The following CMIP variants were observed in gnomAD, a reference collection of about 807,000 sequenced individuals.
The protein encoded by CMIP is c-Maf inducing protein.
A neutral mutation model predicts 97.3 loss-of-function variants in CMIP; 13 were observed. The observed-to-expected ratio is 0.13, with a 90% CI of 0.09 to 0.21. CMIP has a LOEUF of 0.21. CMIP is among the 10% of genes least tolerant of loss of function. The probability of loss-of-function intolerance (pLI) is 1.00; values close to 1 mark genes in which losing one functional copy is unlikely to be tolerated. For missense variants in CMIP, 847 were observed against 1,024.9 expected, an observed-to-expected ratio of 0.83 and a Z score of 2.37; for synonymous variants, 538 against 436.3, an observed-to-expected ratio of 1.23 and a Z score of -2.91.
At chr16:81,626,930 ATGTG>A (rs1032896876) in intron 3 of CMIP, among the ~76,000 whole-genome samples, 16 of 86,208 alleles carry the variant, frequency 1.9e-4, no homozygotes, top group Non-Finnish European at 2.7e-4. Flanking sequence ...GTGTTTGTGT[ATGTG>A]TGGTGTGTGG....
At chr16:81,584,503 C>CT (rs1418300204) in intron 1 of CMIP, among the ~76,000 whole-genome samples, 1 of 152,156 alleles carries the variant, frequency 6.6e-6, no homozygotes. Flanking sequence ...AATCATCCTT[C>CT]TTTTTGTCAG....
At chr16:81,476,031 G>C (rs1274518786) in intron 1 of CMIP, 1 of 662,584 alleles carries the variant, frequency 1.5e-6, no homozygotes, top group Admixed American at 2.0e-5. Flanking sequence ...CTTTATTCAA[G>C]TTGTCCACAG....
At chr16:81,474,390 C>G (rs1323479449) in intron 1 of CMIP, among the ~76,000 whole-genome samples, 2 of 152,156 alleles carry the variant, frequency 1.3e-5, no homozygotes, top group African/African-American at 2.4e-5. Flanking sequence ...TTTCTCCGCT[C>G]TCTCTTTCCT....
intron 1 of CMIP, among the ~76,000 whole-genome samples, chr16:81,565,529 G>C (rs1372248031): frequency 6.6e-6 from 1 of 152,218 alleles, no homozygotes; most frequent in Non-Finnish European, 1.5e-5. Context: ...TCTCACTCCA[G>C]TCTTCACATC....
At position 81,511,652 on chromosome 16, in the gene CMIP, C is replaced by A. The variant is rs147078326; in HGVS notation, c.300+66111C>A. On this transcript the variant is annotated intron_variant, in intron 1 of 20. Transcript: ENST00000537098. The stretch of plus-strand genomic sequence containing the variant: ...CGTGGCTCACTGCAGCTTCAACTTC[C>A]CAGGCTCAGATGATCCTCCCACCTC... Among the ~76,000 whole-genome samples, 1,126 of 152,204 alleles carry A rather than the reference C, an allele frequency of 7.4e-3. 4 individuals carry two copies. The highest frequency in any genetic ancestry group is 0.019 in the East Asian group (97 of 5,192).
intron 1 of CMIP, among the ~76,000 whole-genome samples, chr16:81,471,187 TATAA>T (rs2150746645): frequency 6.6e-6 from 1 of 152,322 alleles, no homozygotes; most frequent in Non-Finnish European, 1.5e-5. Context: ...AATACATGCA[TATAA>T]ATATACTCAC....
At chr16:81,505,157 T>C (rs1013234489) in intron 1 of CMIP, among the ~76,000 whole-genome samples, 7 of 152,346 alleles carry the variant, frequency 4.6e-5, no homozygotes, top group African/African-American at 1.7e-4. Context: ...GCTTCTGCTG[T>C]CCTGGAGGCA....
At chr16:81,523,718 C>G (rs2090074027) in intron 1 of CMIP, among the ~76,000 whole-genome samples, 1 of 152,238 alleles carries the variant, frequency 6.6e-6, no homozygotes, top group African/African-American at 2.4e-5. Context: ...GAGCACCGTG[C>G]CTGTTCTCCA....
At chr16:81,699,532 T>TC (rs1219162480) in intron 14 of CMIP, among the ~76,000 whole-genome samples, 153 bp from the exon 15 acceptor site, 2 of 152,086 alleles carry the variant, frequency 1.3e-5, no homozygotes, top group South Asian at 2.1e-4. Flanking sequence ...GTTTCTTGCA[T>TC]CCCCCTGGGG....
At chr16:81,684,808 G>A (rs1442429478) in intron 10 of CMIP, among the ~76,000 whole-genome samples, 1 of 152,190 alleles carries the variant, frequency 6.6e-6, no homozygotes, top group Non-Finnish European at 1.5e-5. Context: ...GCTGGGAAGG[G>A]CCCAGCCTTC....
chr16:81,677,939 GA>G (rs1334434693), intron 9 of CMIP, among the ~76,000 whole-genome samples: 4 of 152,252 alleles, frequency 2.6e-5, no homozygotes, highest in Admixed American at 2.6e-4. Context: ...TGGTGGAGGA[GA>G]ATGCCAAGAG....
chr16:81,531,177 G>A (rs866259914), intron 1 of CMIP, among the ~76,000 whole-genome samples: 1 of 152,144 alleles, frequency 6.6e-6, no homozygotes, highest in African/African-American at 2.4e-5. Flanking sequence ...GACTGTGTCC[G>A]TAAAAGATGA....
intron 1 of CMIP, among the ~76,000 whole-genome samples, chr16:81,604,356 A>G (rs899108614): frequency 3.6e-5 from 5 of 137,742 alleles, no homozygotes; most frequent in African/African-American, 1.1e-4. Context: ...AGAATGCACC[A>G]TTGTACTCCA....
intron 1 of CMIP, chr16:81,520,411 T>G (rs2089997122): frequency 6.6e-6 from 1 of 152,198 alleles, no homozygotes; most frequent in Non-Finnish European, 1.5e-5. Flanking sequence ...ATAATGCTTA[T>G]TAAAAATTGG....
chr16:81,702,808 G>A lies in CMIP; in HGVS notation c.1944+139G>A, dbSNP rs149353761. 2.0e-3 allele frequency: 1,415 copies of A among 722,048 alleles called. 22 individuals are homozygous for A. The African/African-American group carries it at 0.022, about 11-fold the overall frequency. The allele number at this position is 722,048 out of a possible 1,614,324, so 44.7% of individuals were successfully genotyped here. On this transcript the variant is annotated intron_variant, in intron 17 of 20. Coordinates refer to ENST00000537098, the MANE Select transcript of CMIP (RefSeq NM_198390.3). ...ACAAGGACCCCCTAGTACTTAACAC[G>A]CCAGCTCTTCCAGGAGGTAGCTGGG...
rs149487641 is a variant in CMIP at position 81,561,403 on chromosome 16, G to A, written c.301-46164G>A. Among the ~76,000 whole-genome samples, 169 of 152,342 alleles carry A rather than the reference G, an allele frequency of 1.1e-3. 2 individuals are homozygous for A. Among genetic ancestry groups the A allele is most frequent in the African/African-American group, 3.9e-3 (164 of 41,576 alleles). ...GCTGTGAATCAAGGGACCCAGCTAT[G>A]CAGACACTTAGCAGATGTGTGGTGG... On this transcript the variant is annotated intron_variant, in intron 1 of 20. Coordinates refer to ENST00000537098, the MANE Select transcript of CMIP (RefSeq NM_198390.3).
chr16:81,487,875 A>G (rs2089342942), intron 1 of CMIP, among the ~76,000 whole-genome samples: 1 of 152,184 alleles, frequency 6.6e-6, no homozygotes, highest in Non-Finnish European at 1.5e-5. Context: ...AACAAACAAA[A>G]AGGATGTTCC....
At chr16:81,645,937 T>G (rs1020867841) in intron 3 of CMIP, among the ~76,000 whole-genome samples, 1 of 152,200 alleles carries the variant, frequency 6.6e-6, no homozygotes, top group African/African-American at 2.4e-5. Flanking sequence ...ACTGTAAGTT[T>G]CATGAGCACC....
chr16:81,584,991 C>A (rs932618653), intron 1 of CMIP, among the ~76,000 whole-genome samples: 9 of 152,208 alleles, frequency 5.9e-5, no homozygotes, highest in Non-Finnish European at 1.0e-4. Context: ...TCATTGCATT[C>A]GTGTGGAACT....
Sources: gnomAD v4.1 joint callset for allele counts (sites outside exome capture counted in the v4.1 genomes callset) on GRCh38, gnomAD v4.1.1 for gene constraint, MANE v1.5 for transcripts, NCBI Gene and HGNC (gene_info 2026-07-23, HGNC 2026-07-21) for gene names.